Variants in CEP112 observed in about 807,000 individuals in gnomAD.
CEP112 encodes centrosomal protein 112.
A neutral mutation model predicts 153.0 loss-of-function variants in CEP112; 127 were observed. That is an observed-to-expected ratio of 0.83 (90% CI 0.72 to 0.96). The LOEUF is 0.96. Among genes scored for constraint, CEP112 ranks in the 40% least tolerant of loss-of-function variants. The pLI, the probability that CEP112 is intolerant of heterozygous loss-of-function variation, is 0.00. For missense variants in CEP112, 1,089 were observed against 1,101.2 expected (o/e 0.99, Z 0.16); for synonymous variants, 358 against 374.4 (o/e 0.96, Z 0.51).
chr17:65,756,745 G>GT (rs1432497558), intron 21 of CEP112, among the ~76,000 whole-genome samples: 3 of 152,126 alleles, frequency 2.0e-5, no homozygotes, highest in Non-Finnish European at 4.4e-5. Flanking sequence ...GAATTGTTTT[G>GT]TTTTTTGGTA....
intron 8 of CEP112, among the ~76,000 whole-genome samples, chr17:66,094,911 C>G (rs1205958153): frequency 6.6e-6 from 1 of 152,124 alleles, no homozygotes; most frequent in Non-Finnish European, 1.5e-5. Context: ...CCCAACAATC[C>G]TAATCATCAG....
chr17:65,785,367 G>GT (rs2054225627), intron 21 of CEP112, among the ~76,000 whole-genome samples: 1 of 152,160 alleles, frequency 6.6e-6, no homozygotes, highest in African/African-American at 2.4e-5. Context: ...TGGTAACTAT[G>GT]TTTAGCTTTT....
chr17:65,960,803 G>A (rs569076755), intron 18 of CEP112, among the ~76,000 whole-genome samples: 27 of 152,302 alleles, frequency 1.8e-4, no homozygotes, highest in African/African-American at 6.3e-4. Context: ...AGGGCTGACT[G>A]TATACACTCA....
intron 23 of CEP112, among the ~76,000 whole-genome samples, chr17:65,708,114 T>TA (rs2049004451): frequency 6.6e-6 from 1 of 152,140 alleles, no homozygotes; most frequent in Admixed American, 6.5e-5. Flanking sequence ...AAGCTTAAGA[T>TA]ATAGTGTTTC....
chr17:66,168,425 A>G (rs1203274535), intron 4 of CEP112, among the ~76,000 whole-genome samples: 8 of 107,706 alleles, frequency 7.4e-5, no homozygotes, highest in Admixed American at 2.6e-4. Flanking sequence ...GTGTGTGTGT[A>G]TATATATGTA....
chr17:65,859,573 A>C (rs192776555), intron 20 of CEP112, among the ~76,000 whole-genome samples: 1 of 152,122 alleles, frequency 6.6e-6, no homozygotes, highest in Admixed American at 6.5e-5. Context: ...CTTTAACCAG[A>C]TAAAAGGTAT....
At chr17:66,154,376 G>GT (rs1233964462) in intron 4 of CEP112, among the ~76,000 whole-genome samples, 18 of 151,628 alleles carry the variant, frequency 1.2e-4, no homozygotes, top group Middle Eastern at 3.4e-3. Flanking sequence ...TTAGCTGGGT[G>GT]TGGGGGGGGG....
chr17:65,831,242 CA>C, intron 21 of CEP112, among the ~76,000 whole-genome samples: 1 of 152,228 alleles, frequency 6.6e-6, no homozygotes, highest in East Asian at 1.9e-4. Context: ...TCAGAGAATT[CA>C]GAATAATACT....
intron 23 of CEP112, among the ~76,000 whole-genome samples, chr17:65,741,211 G>A (rs1309696292): frequency 6.6e-6 from 1 of 152,090 alleles, no homozygotes; most frequent in Non-Finnish European, 1.5e-5. Flanking sequence ...GAAAATGGCA[G>A]AGCCTGGAAC....
At chr17:66,065,914 C>A (rs972740970) in intron 10 of CEP112, among the ~76,000 whole-genome samples, 1 of 152,166 alleles carries the variant, frequency 6.6e-6, no homozygotes, top group African/African-American at 2.4e-5. Context: ...CAGGCGTAAG[C>A]CACCGCGCCC....
intron 23 of CEP112, among the ~76,000 whole-genome samples, chr17:65,727,203 A>G (rs911842386): frequency 6.6e-6 from 1 of 152,176 alleles, no homozygotes; most frequent in African/African-American, 2.4e-5. Flanking sequence ...AGTCTCTTCA[A>G]AACTTTGGAC....
chr17:65,825,400 C>T (rs1482820027), intron 21 of CEP112, among the ~76,000 whole-genome samples: 6 of 152,154 alleles, frequency 3.9e-5, no homozygotes, highest in Non-Finnish European at 5.9e-5. Flanking sequence ...AGCTCACCTG[C>T]CACTCACCTC....
chr17:65,719,854 G>A (rs1172939283), intron 23 of CEP112, among the ~76,000 whole-genome samples: 9 of 152,340 alleles, frequency 5.9e-5, no homozygotes, highest in Non-Finnish European at 1.2e-4. Context: ...CCTTGCGAGC[G>A]CATCTGGGCT....
intron 17 of CEP112, among the ~76,000 whole-genome samples, chr17:65,970,878 AC>A (rs1350862533): frequency 6.6e-6 from 1 of 152,250 alleles, no homozygotes; most frequent in Non-Finnish European, 1.5e-5. Context: ...GCATCGCATT[AC>A]ATGCATATCA....
intron 19 of CEP112, among the ~76,000 whole-genome samples, chr17:65,918,021 C>T (rs2060559418): frequency 6.6e-6 from 1 of 151,652 alleles, no homozygotes; most frequent in Admixed American, 6.6e-5. Context: ...TACTAAAATA[C>T]AAGAAAAAAT....
chr17:65,943,234 T>C (rs2061555742), intron 18 of CEP112, among the ~76,000 whole-genome samples: 1 of 152,232 alleles, frequency 6.6e-6, no homozygotes, highest in African/African-American at 2.4e-5. Context: ...TGTTAACTGA[T>C]GATATCTGTA....
chr17:65,817,229 T>C (rs2056320005), intron 21 of CEP112, among the ~76,000 whole-genome samples: 2 of 151,974 alleles, frequency 1.3e-5, no homozygotes, highest in South Asian at 4.1e-4. Context: ...TTGCTACTTA[T>C]TATTTAACAA....
At chr17:65,910,173 T>C (rs1405026712) in intron 19 of CEP112, among the ~76,000 whole-genome samples, 26 of 152,182 alleles carry the variant, frequency 1.7e-4, no homozygotes. Flanking sequence ...TGACAGAAGT[T>C]GTTCAGAACT....
intron 18 of CEP112, among the ~76,000 whole-genome samples, chr17:65,945,899 G>A (rs1299989659): frequency 2.6e-5 from 4 of 152,064 alleles, no homozygotes; most frequent in East Asian, 1.9e-4. Context: ...TGCCTGCCTC[G>A]GCCTCCCAAA....
Sources: allele counts gnomAD v4.1 joint callset (sites outside exome capture counted in the v4.1 genomes callset), GRCh38; gene constraint gnomAD v4.1.1; transcripts MANE v1.5; gene names NCBI Gene and HGNC (gene_info 2026-07-23, HGNC 2026-07-21).